VPS37A: variants seen among roughly 807,000 people sequenced by gnomAD.
VPS37A encodes VPS37A subunit of ESCRT-I.
Under a neutral mutation model 49.8 loss-of-function variants are expected in VPS37A, and 30 were observed. The ratio of observed to expected loss-of-function variants is 0.60; its 90% confidence interval spans 0.45 to 0.82. VPS37A has a LOEUF of 0.82. VPS37A is among the 40% of genes least tolerant of loss of function. VPS37A has a pLI of 0.00. For synonymous variants in VPS37A, 195 were observed against 160.6 expected (o/e 1.21, Z -1.62); for missense variants, 593 against 464.4 (o/e 1.28, Z -2.55).
the VPS37A span, among the ~76,000 whole-genome samples, chr8:17,333,289 TAAG>T: frequency 5.4e-3 from 827 of 152,366 alleles, 7 homozygotes; most frequent in Admixed American, 7.9e-3. Context: ...GTTCACACTT[TAAG>T]AAGTATAAAT....
chr8:17,333,291 A>G, the VPS37A span, among the ~76,000 whole-genome samples: 4 of 150,602 alleles, frequency 2.7e-5, no homozygotes, highest in African/African-American at 9.7e-5. Flanking sequence ...TCACACTTTA[A>G]GAAGTATAAA....
downstream of VPS37A, chr8:17,304,602 A>G (rs1586138276): frequency 6.9e-7 from 1 of 1,449,780 alleles, no homozygotes; most frequent in East Asian, 2.3e-5. Context: ...CTGGAAAGGA[A>G]CTAATAATTG....
chr8:17,256,183 T>A (rs1812429299), intron 1 of VPS37A, among the ~76,000 whole-genome samples: 1 of 152,090 alleles, frequency 6.6e-6, no homozygotes, highest in South Asian at 2.1e-4. Context: ...TTGTACTAAT[T>A]TACATTCCCA....
At chr8:17,313,443 C>T in the VPS37A span, 1 of 1,283,774 alleles carries the variant, frequency 7.8e-7, no homozygotes, top group Non-Finnish European at 1.1e-6. Flanking sequence ...TTAAGGTACT[C>T]TCTCATTTTA....
At chr8:17,300,140 A>C (rs746509014), downstream of VPS37A, 17 of 1,614,136 alleles carry the variant, frequency 1.1e-5, no homozygotes, top group South Asian at 1.9e-4. Flanking sequence ...TCTGAGGTAG[A>C]AAACCCTGAG....
At chr8:17,301,934 G>A, downstream of VPS37A, 3 of 458,396 alleles carry the variant, frequency 6.5e-6, no homozygotes, top group Non-Finnish European at 1.1e-5. Flanking sequence ...CCAAAAATTT[G>A]TGGAACTGAG....
At chr8:17,272,965 A>G (rs1814141091) in intron 4 of VPS37A, among the ~76,000 whole-genome samples, 3 of 146,242 alleles carry the variant, frequency 2.1e-5, no homozygotes, top group East Asian at 2.0e-4. Context: ...ACAAGAAAAT[A>G]TATATAGTAT....
intron 1 of VPS37A, among the ~76,000 whole-genome samples, chr8:17,263,131 A>G (rs1443877849): frequency 6.6e-6 from 1 of 152,204 alleles, no homozygotes; most frequent in African/African-American, 2.4e-5. Flanking sequence ...TGAGTGAGAA[A>G]AGAGTAACTT....
chr8:17,312,849 C>T, the VPS37A span, among the ~76,000 whole-genome samples: 1 of 152,092 alleles, frequency 6.6e-6, no homozygotes, highest in East Asian at 1.9e-4. Flanking sequence ...CATTCTAAAA[C>T]AGCTTATGTG....
the VPS37A span, chr8:17,311,383 A>T: frequency 8.2e-7 from 1 of 1,221,636 alleles, no homozygotes; most frequent in Non-Finnish European, 1.2e-6. Context: ...CTTCCCCTTT[A>T]ATCTTGCTGA....
At chr8:17,263,954 A>G (rs1472784320) in intron 1 of VPS37A, among the ~76,000 whole-genome samples, 3 of 152,166 alleles carry the variant, frequency 2.0e-5, no homozygotes, top group Non-Finnish European at 4.4e-5. Context: ...AAGACAAACA[A>G]AAAACTTTAA....
At chr8:17,262,627 C>G (rs898992492) in intron 1 of VPS37A, among the ~76,000 whole-genome samples, 6 of 150,952 alleles carry the variant, frequency 4.0e-5, no homozygotes, top group Non-Finnish European at 8.8e-5. Context: ...GTACCACTGT[C>G]AGTATAAAGA....
intron 1 of VPS37A, among the ~76,000 whole-genome samples, chr8:17,262,459 C>T (rs541001193): frequency 6.6e-6 from 1 of 152,090 alleles, no homozygotes; most frequent in African/African-American, 2.4e-5. Flanking sequence ...TTCAGAGCCA[C>T]TGAGGTAAAA....
chr8:17,249,596 A>C (rs958457700), intron 1 of VPS37A, among the ~76,000 whole-genome samples: 1 of 152,210 alleles, frequency 6.6e-6, no homozygotes, highest in African/African-American at 2.4e-5. Context: ...ACAATCCTGG[A>C]AAATGCCACT....
chr8:17,280,118 C>T lies in VPS37A; in HGVS notation c.804C>T (p.Asp268=). 2.5e-6 allele frequency: 4 copies of T among 1,612,620 alleles called. No homozygotes were observed. Among genetic ancestry groups the T allele is most frequent in the Non-Finnish European group, 3.4e-6 (4 of 1,179,270 alleles). The stretch of plus-strand genomic sequence containing the variant: ...CTCAACTAAAACAAATTATTACCGA[C>T]AAAGATGACTTAGTAAAAAGTATTG... The part of the protein sequence containing the change: ...TLPQLKQIIT[D]KDDLVKSIEE... The change falls in exon 7 of 12, where the codon GAC becomes GAT. Residue 268 remains aspartate (D), a synonymous_variant. Transcript: ENST00000324849.
At chr8:17,301,090 G>A (rs991450413), downstream of VPS37A, among the ~76,000 whole-genome samples, 1 of 152,208 alleles carries the variant, frequency 6.6e-6, no homozygotes, top group African/African-American at 2.4e-5. Flanking sequence ...AACACAGGAG[G>A]TGTTATAAGA....
At chr8:17,307,335 T>C (rs1274831991), downstream of VPS37A, among the ~76,000 whole-genome samples, 10 of 152,188 alleles carry the variant, frequency 6.6e-5, no homozygotes, top group South Asian at 1.0e-3. Flanking sequence ...ACCACAATGA[T>C]ACACCATCTC....
chr8:17,300,988 A>G (rs1213996861), downstream of VPS37A, among the ~76,000 whole-genome samples: 2 of 152,226 alleles, frequency 1.3e-5, no homozygotes, highest in Non-Finnish European at 2.9e-5. Flanking sequence ...ATTCCATTAC[A>G]TGGATATACC....
In VPS37A at chr8:17,296,545, A is replaced by G. The variant is rs1031539904; in HGVS notation, c.*1559A>G. ...ATAGAACAGTCTCAATCTTTTGCCA[A>G]CCATCAGGTTCCTAGAAACCAGGTA... On this transcript the variant is annotated 3_prime_UTR_variant, in exon 12 of 12. Coordinates refer to ENST00000324849, the MANE Select transcript of VPS37A (RefSeq NM_152415.3). The G allele has an allele frequency of 4.6e-5, 7 of 151,886 alleles. No homozygotes were observed. The highest frequency in any genetic ancestry group is 1.5e-4 in the African/African-American group (6 of 41,180). 9.4% of individuals were successfully genotyped at this position (151,886 alleles called of 1,614,324 possible).
Sources: allele counts gnomAD v4.1 joint callset (sites outside exome capture counted in the v4.1 genomes callset), GRCh38; gene constraint gnomAD v4.1.1; transcripts MANE v1.5; gene names NCBI Gene and HGNC (gene_info 2026-07-23, HGNC 2026-07-21).